FYCO1: variants seen among roughly 807,000 people sequenced by gnomAD.
FYCO1 encodes the protein FYVE and coiled-coil domain autophagy adaptor 1.
Under a neutral mutation model 165.1 loss-of-function variants are expected in FYCO1, and 122 were observed. The observed-to-expected ratio is 0.74, with a 90% CI of 0.64 to 0.86. The LOEUF is 0.86. FYCO1 is among the 40% of genes least tolerant of loss of function. FYCO1 has a pLI of 0.00. For missense variants in FYCO1, 1,702 were observed against 1,810.3 expected (o/e 0.94, Z 1.09); for synonymous variants, 648 against 742.5 (o/e 0.87, Z 2.07).
chr3:45,921,918 T>A, intron 17 of FYCO1, 78 bp from the exon 18 acceptor site: 1 of 902,552 alleles, frequency 1.1e-6, no homozygotes, highest in Non-Finnish European at 1.9e-6. Flanking sequence ...TGCTGAGGCC[T>A]CTGTGGTCAC....
At chr3:45,986,375 G>A (rs35741046) in intron 1 of FYCO1, among the ~76,000 whole-genome samples, 7 of 152,030 alleles carry the variant, frequency 4.6e-5, no homozygotes, top group East Asian at 1.9e-4. Flanking sequence ...CCTTGCCCTC[G>A]TGGCTCCAGG....
At position 45,981,636 on chromosome 3, in the gene FYCO1, C is replaced by T; in HGVS notation, c.96G>A (p.Gly32=). ...TGGTGCTGTCATCCGTGATGGGTTC[C>T]CCTGCTTCCTGAAATTCTTTGCTTA... ...TELSKEFQEA[G]EPITDDSTSL... Residue 32 remains glycine, a synonymous_variant, in exon 3 of 18, where the codon GGG becomes GGA. Transcript: ENST00000296137. The T allele has an allele frequency of 6.2e-7, 1 of 1,614,034 alleles. No individual in the cohort carries two copies. Among genetic ancestry groups the T allele is most frequent in the Non-Finnish European group, 8.5e-7 (1 of 1,179,916 alleles).
rs140677166 is a variant in FYCO1, at chr3:45,936,484, T to A, written c.4004A>T (p.Asp1335Val). The change falls in exon 15 of 18, where the codon GAT becomes GTT. Residue 1335 changes from aspartate (D) to valine (V), a missense_variant. Transcript: ENST00000296137. ...EDTEDMPVGQ[D>V]SEICLLKSGE... ...AGACTTCAGCAGGCAGATTTCCGAA[T>A]CCTGCCCCACGGGCATGTCTTCAGT... 6 of 1,614,042 alleles carry A rather than the reference T, an allele frequency of 3.7e-6. No homozygotes were observed. Among genetic ancestry groups the A allele is most frequent in the Non-Finnish European group, 5.1e-6 (6 of 1,179,904 alleles).
intron 14 of FYCO1, among the ~76,000 whole-genome samples, chr3:45,949,879 C>T (rs555629321): frequency 1.8e-4 from 28 of 152,196 alleles, no homozygotes; most frequent in African/African-American, 2.2e-4. Flanking sequence ...TGATCCTATG[C>T]GTCTGGGCCC....
Position 45,973,169 on chromosome 3 carries a change from T to G in FYCO1, c.458A>C (p.Gln153Pro). 2 of 1,614,250 alleles carry G rather than the reference T, an allele frequency of 1.2e-6. No individual in the cohort carries two copies. The highest frequency in any genetic ancestry group is 1.7e-6 in the Non-Finnish European group (2 of 1,180,038). The change falls in exon 6 of 18, where the codon CAA (glutamine) becomes CCA (proline). Residue 153 changes from glutamine to proline, a missense_variant. Physicochemically the swap from Gln to Pro is moderately conservative, Grantham distance 76. Coordinates refer to ENST00000296137, the MANE Select transcript of FYCO1 (RefSeq NM_024513.4). ...QPKLSSDIVGQLYELTEVQFD... is the reference protein window; with the variant it reads ...QPKLSSDIVGPLYELTEVQFD... ...CTGAACCTCAGTCAGCTCATAGAGT[T>G]GGCCCACAATGTCCGAGCTCAGCTT...
intron 2 of FYCO1, 69 bp from the exon 3 acceptor site, chr3:45,981,745 C>A (rs1333226995): frequency 8.9e-7 from 1 of 1,124,008 alleles, no homozygotes; most frequent in African/African-American, 1.5e-5. Flanking sequence ...CAGAAATAAT[C>A]CAGGAAGCAT....
chr3:45,990,156 T>G (rs1159449769), intron 1 of FYCO1, among the ~76,000 whole-genome samples: 1 of 152,186 alleles, frequency 6.6e-6, no homozygotes, highest in Non-Finnish European at 1.5e-5. Context: ...ACTGAATCTC[T>G]GATAGAATAT....
intron 13 of FYCO1, 23 bp from the exon 14 acceptor site, chr3:45,955,416 G>T: frequency 1.9e-6 from 3 of 1,613,922 alleles, no homozygotes; most frequent in Non-Finnish European, 2.5e-6. Context: ...GGCAGATCAG[G>T]AGAGAAGAGA....
At chr3:45,930,131 G>A (rs1703517784) in intron 16 of FYCO1, among the ~76,000 whole-genome samples, 2 of 152,212 alleles carry the variant, frequency 1.3e-5, no homozygotes, top group Admixed American at 1.3e-4. Flanking sequence ...GGAGATTTCT[G>A]CAGTCATATT....
chr3:45,922,743 C>A (rs1703145900), intron 17 of FYCO1, among the ~76,000 whole-genome samples: 1 of 152,180 alleles, frequency 6.6e-6, no homozygotes, highest in South Asian at 2.1e-4. Flanking sequence ...CCTGGCAGTT[C>A]AAGGCCTGGA....
intron 14 of FYCO1, among the ~76,000 whole-genome samples, chr3:45,948,712 A>T (rs939233589): frequency 1.1e-4 from 16 of 152,358 alleles, no homozygotes; most frequent in African/African-American, 3.6e-4. Flanking sequence ...GAACCAACTG[A>T]CAACAGCTAA....
At chr3:45,978,067 A>G (rs1706860906) in intron 4 of FYCO1, among the ~76,000 whole-genome samples, 1 of 152,200 alleles carries the variant, frequency 6.6e-6, no homozygotes, top group South Asian at 2.1e-4. Context: ...TAGAAAGTCA[A>G]TTTTCATGGC....
chr3:45,933,599 A>G (rs1431378435), intron 15 of FYCO1, among the ~76,000 whole-genome samples: 1 of 152,218 alleles, frequency 6.6e-6, no homozygotes, highest in African/African-American at 2.4e-5. Context: ...GCCACTAAAA[A>G]AACTGAAAAT....
intron 16 of FYCO1, among the ~76,000 whole-genome samples, chr3:45,929,920 T>A (rs567020486): frequency 1.5e-3 from 233 of 152,312 alleles, no homozygotes; most frequent in Non-Finnish European, 2.6e-3. Context: ...CAGGAACTGC[T>A]GTGTGGCCCA....
At chr3:45,931,362 G>C in intron 15 of FYCO1, 81 bp from the exon 16 acceptor site, 1 of 1,360,280 alleles carries the variant, frequency 7.4e-7, no homozygotes, top group Admixed American at 1.8e-5. Flanking sequence ...GTGGCTCAGA[G>C]GTGGCTGGAG....
intron 14 of FYCO1, chr3:45,938,295 A>C (rs563020539): frequency 8.2e-7 from 1 of 1,212,210 alleles, no homozygotes; most frequent in African/African-American, 1.6e-5. Context: ...TGGGTGATGC[A>C]GTCTCAAAGG....
chr3:45,934,034 G>A (rs1703765149), intron 15 of FYCO1, among the ~76,000 whole-genome samples: 1 of 152,008 alleles, frequency 6.6e-6, no homozygotes, highest in Non-Finnish European at 1.5e-5. Flanking sequence ...GAATAAAGAT[G>A]ACAGTTATAC....
chr3:45,967,260 T>C lies in FYCO1; in HGVS notation c.2074A>G (p.Lys692Glu), dbSNP rs1186596398. The C allele has an allele frequency of 1.9e-6, 3 of 1,614,014 alleles. No homozygotes were observed. Among genetic ancestry groups the C allele is most frequent in the Non-Finnish European group, 2.5e-6 (3 of 1,180,028 alleles). Reference protein sequence around the residue: ...LAVRKAKEAMKAQMAEKEAIL... With the variant: ...LAVRKAKEAMEAQMAEKEAIL... ...GCCTCCTTCTCTGCCATCTGGGCTT[T>C]CATGGCCTCCTTGGCCTTCCTTACA... The change falls in exon 8 of 18, where the codon AAA becomes GAA. Residue 692 changes from lysine (K) to glutamate (E), a missense_variant. Physicochemically the swap from Lys to Glu is moderately conservative, Grantham distance 56. Coordinates refer to ENST00000296137, the MANE Select transcript of FYCO1 (RefSeq NM_024513.4).
intron 2 of FYCO1, among the ~76,000 whole-genome samples, chr3:45,982,966 C>G (rs568363579): frequency 1.4e-4 from 22 of 152,300 alleles, no homozygotes; most frequent in Middle Eastern, 3.4e-3. Flanking sequence ...GGTAAACACT[C>G]GCAACCTGAT....
Sources: allele counts gnomAD v4.1 joint callset (sites outside exome capture counted in the v4.1 genomes callset), GRCh38; gene constraint gnomAD v4.1.1; transcripts MANE v1.5; gene names NCBI Gene and HGNC (gene_info 2026-07-23, HGNC 2026-07-21).